The following RASA2 variants were observed in gnomAD, a reference collection of about 807,000 sequenced individuals.
RASA2 encodes RAS p21 protein activator 2.
Under a neutral mutation model 118.2 loss-of-function variants are expected in RASA2, and 155 were observed. The ratio of observed to expected loss-of-function variants is 1.31; its 90% confidence interval spans 1.15 to 1.50. RASA2 has a LOEUF of 1.50. Ranked by LOEUF, RASA2 falls within the 40% of genes most tolerant of loss-of-function variation. The pLI, the probability that RASA2 is intolerant of heterozygous loss-of-function variation, is 0.00. For synonymous variants in RASA2, 353 were observed against 349.1 expected (o/e 1.01, Z -0.12); for missense variants, 1,016 against 1,009.6 (o/e 1.01, Z -0.09).
chr3:141,587,582 C>CGCAT (rs940054351), intron 19 of RASA2, among the ~76,000 whole-genome samples: 1 of 151,958 alleles, frequency 6.6e-6, no homozygotes, highest in Non-Finnish European at 1.5e-5. Flanking sequence ...GGCATGGTGG[C>CGCAT]GCATGCCTGT....
At chr3:141,509,313 G>C (rs1389981301) in intron 1 of RASA2, among the ~76,000 whole-genome samples, 1 of 152,168 alleles carries the variant, frequency 6.6e-6, no homozygotes, top group African/African-American at 2.4e-5. Context: ...ATAAATATCT[G>C]ATAATGTCAG....
chr3:141,548,977 T>C (rs2082529797), intron 5 of RASA2, among the ~76,000 whole-genome samples: 1 of 152,214 alleles, frequency 6.6e-6, no homozygotes, highest in Admixed American at 6.5e-5. Flanking sequence ...GAAAATCATG[T>C]AGGCTGATTT....
chr3:141,580,324 T>A (rs1324611462), intron 15 of RASA2, 44 bp from the exon 16 acceptor site: 1 of 1,428,144 alleles, frequency 7.0e-7, no homozygotes, highest in Non-Finnish European at 9.7e-7. Context: ...TACAAACTAT[T>A]TTCTTGAAAA....
chr3:141,572,792 A>C, intron 12 of RASA2, 69 bp downstream of exon 12: 1 of 1,170,088 alleles, frequency 8.5e-7, no homozygotes, highest in Non-Finnish European at 1.2e-6. Flanking sequence ...CAAGTGATCT[A>C]TTGATGGGAA....
intron 4 of RASA2, among the ~76,000 whole-genome samples, chr3:141,534,599 T>A (rs1038155495): frequency 2.6e-5 from 4 of 152,088 alleles, no homozygotes; most frequent in African/African-American, 9.7e-5. Flanking sequence ...GGTGTTTTTT[T>A]TTTTAAAGAC....
chr3:141,583,656 A>G (rs940603869), intron 17 of RASA2, among the ~76,000 whole-genome samples: 64 of 152,230 alleles, frequency 4.2e-4, no homozygotes, highest in African/African-American at 1.5e-3. Context: ...TCACTTACCA[A>G]TATTTTCTCC....
intron 7 of RASA2, among the ~76,000 whole-genome samples, chr3:141,557,463 A>G (rs1464539421): frequency 6.6e-6 from 1 of 152,242 alleles, no homozygotes; most frequent in African/African-American, 2.4e-5. Context: ...AGTTATGTCC[A>G]AAGTACAGTG....
At chr3:141,550,787 G>A (rs2082562429) in intron 5 of RASA2, among the ~76,000 whole-genome samples, 1 of 152,188 alleles carries the variant, frequency 6.6e-6, no homozygotes, top group Non-Finnish European at 1.5e-5. Context: ...AAACCGGGAG[G>A]CGGAGCTTGC....
chr3:141,566,437 A>C (rs1248518493), intron 9 of RASA2, among the ~76,000 whole-genome samples: 3 of 152,236 alleles, frequency 2.0e-5, no homozygotes, highest in Non-Finnish European at 2.9e-5. Context: ...AGTTAACACA[A>C]TTCCAAAGGT....
chr3:141,540,820 A>G (rs1175243628), intron 5 of RASA2, among the ~76,000 whole-genome samples: 2 of 152,136 alleles, frequency 1.3e-5, no homozygotes, highest in African/African-American at 4.8e-5. Flanking sequence ...ACTAATATTT[A>G]TTGAATATGG....
intron 19 of RASA2, among the ~76,000 whole-genome samples, chr3:141,602,639 A>C (rs1303812431): frequency 1.3e-5 from 2 of 152,162 alleles, no homozygotes; most frequent in African/African-American, 4.8e-5. Context: ...TCTCTTACTT[A>C]CAGTGTATCT....
At position 141,540,616 on chromosome 3, in the gene RASA2, A is replaced by G. The variant is rs2082392269; in HGVS notation, c.527+7A>G. 1.3e-6 allele frequency: 2 copies of G among 1,596,508 alleles called. No individual in the cohort carries two copies. The highest frequency in any genetic ancestry group is 1.1e-5 in the South Asian group (1 of 89,356). On this transcript the variant is annotated splice_region_variant and intron_variant, in intron 5 of 23. Coordinates refer to ENST00000286364, the MANE Select transcript of RASA2 (RefSeq NM_006506.5). ...GCCAGCAGCTTGTTGTACAGTAAGC[A>G]TTTTTTTTAACCAAAATCAACTAGA...
intron 8 of RASA2, 65 bp downstream of exon 8, chr3:141,559,027 CA>C (rs1382310885): frequency 1.3e-5 from 18 of 1,372,808 alleles, no homozygotes; most frequent in South Asian, 3.9e-5. Context: ...TAGATTCAAC[CA>C]AAAAAAGTAA....
Position 141,556,708 on chromosome 3 carries a change from G to A in RASA2, c.684+796G>A, listed in dbSNP as rs182219440. On this transcript the variant is annotated intron_variant, in intron 7 of 23. Coordinates refer to ENST00000286364, the MANE Select transcript of RASA2 (RefSeq NM_006506.5). ...ATGTTGCAGTTCATATCAACGTGTA[G>A]GGAAGGTTTGAAAAAAGGAGTTACA... Among the ~76,000 whole-genome samples the A allele has an allele frequency of 1.1e-3, 169 of 152,224 alleles. 1 individual carries two copies. Among genetic ancestry groups the A allele is most frequent in the Non-Finnish European group, 2.0e-3 (137 of 68,002 alleles).
chr3:141,530,428 T>C (rs1277913173), intron 4 of RASA2, among the ~76,000 whole-genome samples: 1 of 152,160 alleles, frequency 6.6e-6, no homozygotes, highest in African/African-American at 2.4e-5. Flanking sequence ...AAAATCTGAG[T>C]TGCTCTTAGA....
intron 15 of RASA2, chr3:141,578,837 T>C (rs1354981350): frequency 6.6e-6 from 1 of 152,234 alleles, no homozygotes; most frequent in African/African-American, 2.4e-5. Flanking sequence ...TCTATGACTT[T>C]GCTATTGTAA....
At chr3:141,499,529 A>G (rs1003840963) in intron 1 of RASA2, among the ~76,000 whole-genome samples, 1 of 152,174 alleles carries the variant, frequency 6.6e-6, no homozygotes, top group East Asian at 1.9e-4. Flanking sequence ...GTGTTTGCTC[A>G]CTGGTACTAC....
chr3:141,585,043 C>A (rs2083178262), intron 17 of RASA2, among the ~76,000 whole-genome samples: 1 of 152,124 alleles, frequency 6.6e-6, no homozygotes, highest in African/African-American at 2.4e-5. Flanking sequence ...GATGTTCAAC[C>A]TGTATTCTTA....
rs938424206 is a variant in RASA2 at position 141,555,983 on chromosome 3, A to G, written c.684+71A>G. ...TTAATGCTAGTTGATTTCTTTTTTC[A>G]AACCACAGTCATAGTAATCATTTTA... On this transcript the variant is annotated intron_variant, in intron 7 of 23. Transcript: ENST00000286364. 3 of 1,178,296 alleles carry G rather than the reference A, an allele frequency of 2.5e-6. No individual in the cohort carries two copies. The Admixed American group carries it at 6.5e-5, about 26-fold the overall frequency. The allele number at this position is 1,178,296 out of a possible 1,614,324, so 73.0% of individuals were successfully genotyped here.
Sources: gnomAD v4.1 joint callset for allele counts (sites outside exome capture counted in the v4.1 genomes callset) on GRCh38, gnomAD v4.1.1 for gene constraint, MANE v1.5 for transcripts, NCBI Gene and HGNC (gene_info 2026-07-23, HGNC 2026-07-21) for gene names.